GBP7: variants seen among roughly 807,000 people sequenced by gnomAD.
The protein encoded by GBP7 is guanylate binding protein 7, also known as guanylate-binding protein 7.
GBP7 carries 43 observed loss-of-function variants against 61.3 expected under a neutral mutation model. That is an observed-to-expected ratio of 0.70 (90% confidence interval 0.55 to 0.91). The LOEUF (loss-of-function observed/expected upper bound fraction) is 0.91. Ranked by LOEUF, GBP7 falls within the 40% of genes least tolerant of loss-of-function variation. The pLI, the probability that GBP7 is intolerant of heterozygous loss-of-function variation, is 0.00. For missense variants in GBP7, 717 were observed against 740.5 expected (o/e 0.97, Z 0.37); for synonymous variants, 267 against 271.0 (o/e 0.99, Z 0.14).
chr1:89,150,338 G>A lies in GBP7; in HGVS notation c.863C>T (p.Thr288Ile), dbSNP rs746804092. ...TKTLREGILVTGNRLGMLVET... is the reference protein window; with the variant it reads ...TKTLREGILVIGNRLGMLVET... ...TAGGGAAATAGACTCACGGTTTCCA[G>A]TGACAAGGATTCCCTCTCTCAGGGT... The change falls in exon 6 of 11, where the codon ACT becomes ATT. Residue 288 changes from threonine (T) to isoleucine (I), a missense_variant. Coordinates refer to ENST00000294671, the MANE Select transcript of GBP7 (RefSeq NM_207398.3). 3.7e-6 allele frequency: 6 copies of A among 1,612,796 alleles called. No individual in the cohort carries two copies. The South Asian group carries it at 4.4e-5, about 12-fold the overall frequency.
chr1:89,140,456 A>T (rs1681911012), intron 9 of GBP7, among the ~76,000 whole-genome samples: 2 of 86,592 alleles, frequency 2.3e-5, no homozygotes, highest in Admixed American at 1.2e-4. Flanking sequence ...TAATAAAAAA[A>T]ACTGAAAAAA....
At chr1:89,146,165 G>A (rs770176617) in intron 8 of GBP7, among the ~76,000 whole-genome samples, 24 of 152,054 alleles carry the variant, frequency 1.6e-4, no homozygotes, top group Non-Finnish European at 3.4e-4. Context: ...TACAGTCAAA[G>A]ACTTTTCAAA....
At chr1:89,154,757 G>A (rs1161556223) in intron 3 of GBP7, among the ~76,000 whole-genome samples, 1 of 151,358 alleles carries the variant, frequency 6.6e-6, no homozygotes, top group East Asian at 1.9e-4. Flanking sequence ...TTTAAGTCCA[G>A]TGGTGCCCCT....
intron 2 of GBP7, among the ~76,000 whole-genome samples, chr1:89,166,539 TTAGAA>T (rs1439365664): frequency 2.0e-5 from 3 of 152,170 alleles, no homozygotes; most frequent in African/African-American, 7.2e-5. Context: ...CCATGAGGTA[TTAGAA>T]TACCGCAGGA....
At chr1:89,135,253 A>G (rs186229025) in intron 9 of GBP7, among the ~76,000 whole-genome samples, 3 of 152,332 alleles carry the variant, frequency 2.0e-5, no homozygotes, top group African/African-American at 7.2e-5. Flanking sequence ...AGAGATAGCA[A>G]GCAATTTGGA....
At chr1:89,173,981 G>A (rs1262385188) in intron 1 of GBP7, among the ~76,000 whole-genome samples, 2 of 152,100 alleles carry the variant, frequency 1.3e-5, no homozygotes, top group Admixed American at 6.6e-5. Flanking sequence ...TTTCTCAAAT[G>A]AGAATGTACA....
At chr1:89,161,588 T>C (rs1361334503) in intron 3 of GBP7, among the ~76,000 whole-genome samples, 1 of 152,170 alleles carries the variant, frequency 6.6e-6, no homozygotes, top group Non-Finnish European at 1.5e-5. Flanking sequence ...TTGAAAAGTG[T>C]CTGTTCATGT....
intron 3 of GBP7, among the ~76,000 whole-genome samples, chr1:89,164,051 G>A (rs1343345548): frequency 6.6e-6 from 1 of 152,044 alleles, no homozygotes; most frequent in Non-Finnish European, 1.5e-5. Flanking sequence ...TGCATTTTCA[G>A]TAGAGATGGG....
At chr1:89,150,626 C>T in intron 5 of GBP7, 51 bp from the exon 6 acceptor site, 1 of 1,581,564 alleles carries the variant, frequency 6.3e-7, no homozygotes, top group Non-Finnish European at 8.6e-7. Flanking sequence ...TTAAGTGAGC[C>T]TGAAGATTTT....
At chr1:89,134,772 C>A (rs1570337419) in intron 9 of GBP7, among the ~76,000 whole-genome samples, 1 of 152,172 alleles carries the variant, frequency 6.6e-6, no homozygotes, top group Non-Finnish European at 1.5e-5. Context: ...AGAACTCTGG[C>A]AACTCAAAAA....
chr1:89,168,318 G>C (rs113996974), intron 2 of GBP7, among the ~76,000 whole-genome samples: 6,880 of 152,190 alleles, frequency 0.045, 241 homozygotes, highest in Non-Finnish European at 0.074. Flanking sequence ...ACCCCTTTGT[G>C]CTTTGGCCAA....
intron 7 of GBP7, among the ~76,000 whole-genome samples, chr1:89,148,541 A>G (rs1316200627): frequency 6.6e-6 from 1 of 152,250 alleles, no homozygotes; most frequent in Non-Finnish European, 1.5e-5. Context: ...AGAATTACCA[A>G]ATTACATGAG....
chr1:89,138,555 A>C (rs1467974490), intron 9 of GBP7, among the ~76,000 whole-genome samples: 78 of 152,302 alleles, frequency 5.1e-4, no homozygotes, highest in Non-Finnish European at 3.2e-4. Flanking sequence ...ATCTTTGGTA[A>C]AGCTAACAAA....
At position 89,171,916 on chromosome 1, in the gene GBP7, A is replaced by C. The variant is rs1647612491; in HGVS notation, c.20T>G (p.Met7Arg). MASEIH[M>R]PGPVCLTENT... ...CTCAGTGAGGCACACTGGGCCTGGC[A>C]TGTGGATCTCTGATGCCATGTTCAG... Residue 7 changes from methionine to arginine, a missense_variant, in exon 2 of 11, where the codon ATG becomes AGG. Met to Arg is a moderately conservative substitution (Grantham distance 91, BLOSUM62 -1). Coordinates refer to ENST00000294671, the MANE Select transcript of GBP7 (RefSeq NM_207398.3). 2 of 1,612,986 alleles carry C rather than the reference A, an allele frequency of 1.2e-6. No homozygotes were observed. The highest frequency in any genetic ancestry group is 1.1e-5 in the South Asian group (1 of 90,964).
Position 89,141,472 on chromosome 1 carries a change from C to G in GBP7, c.1468+74G>C, listed in dbSNP as rs1438364902. The G allele has an allele frequency of 9.1e-6, 12 of 1,320,316 alleles. No homozygotes were observed. In the South Asian group the frequency reaches 1.5e-4, roughly 17 times the overall value. The allele number at this position is 1,320,316 out of a possible 1,614,324, so 81.8% of individuals were successfully genotyped here. The stretch of plus-strand genomic sequence containing the variant: ...AGAAAGCTCCTGGTATAAGGAAAAT[C>G]CTTTTTTCTGAACATCAAGAGAGTG... On this transcript the variant is annotated intron_variant, in intron 9 of 10. Coordinates refer to ENST00000294671, the MANE Select transcript of GBP7 (RefSeq NM_207398.3).
At position 89,143,119 on chromosome 1, in the gene GBP7, TTGATGTTC is replaced by T. The variant is rs1276118767; in HGVS notation, c.1366-1479_1366-1472del. Among the ~76,000 whole-genome samples, 53 of 152,348 alleles carry T rather than the reference TTGATGTTC, an allele frequency of 3.5e-4. 1 individual carries two copies. Among genetic ancestry groups the T allele is most frequent in the African/African-American group, 1.2e-3 (50 of 41,590 alleles). On this transcript the variant is annotated intron_variant, in intron 8 of 10. Coordinates refer to ENST00000294671, the MANE Select transcript of GBP7 (RefSeq NM_207398.3). ...AATTAAAACCAAACAGTTTTCCAAA[TTGATGTTC>T]TGATTTATACCTCATTAGCAATGTG...
At chr1:89,137,923 C>T (rs1252442807) in intron 9 of GBP7, among the ~76,000 whole-genome samples, 2 of 152,110 alleles carry the variant, frequency 1.3e-5, no homozygotes, top group African/African-American at 4.8e-5. Context: ...CCCAAAGTCT[C>T]ATCCATCTGA....
intron 3 of GBP7, among the ~76,000 whole-genome samples, chr1:89,159,888 G>A (rs938532054): frequency 3.3e-5 from 5 of 151,984 alleles, no homozygotes; most frequent in African/African-American, 7.2e-5. Context: ...TATAAATCAC[G>A]CTACTATAAA....
Position 89,149,538 on chromosome 1 carries a change from G to T in GBP7, c.906C>A (p.Ala302=). The T allele has an allele frequency of 6.2e-7, 1 of 1,614,026 alleles. No individual in the cohort carries two copies. The highest frequency in any genetic ancestry group is 8.5e-7 in the Non-Finnish European group (1 of 1,179,942). Residue 302 remains alanine, a synonymous_variant, in exon 7 of 11, where the codon GCC becomes GCA. Coordinates refer to ENST00000294671, the MANE Select transcript of GBP7 (RefSeq NM_207398.3). ...GACAAGGAGTCGCTCCACTGTTGAT[G>T]GCATCCAGGTAGGTCTCCACCAGCA... is the stretch of plus-strand genomic sequence containing the variant. ...LGMLVETYLD[A]INSGATPCLE...
Sources: allele counts gnomAD v4.1 joint callset (sites outside exome capture counted in the v4.1 genomes callset), GRCh38; gene constraint gnomAD v4.1.1; transcripts MANE v1.5; gene names NCBI Gene and HGNC (gene_info 2026-07-23, HGNC 2026-07-21).